The following MIPEP variants were observed in gnomAD, a reference collection of about 807,000 sequenced individuals.
MIPEP encodes the protein mitochondrial intermediate peptidase.
In MIPEP, 79 loss-of-function variants were observed where a neutral mutation model predicts 90.3. The observed-to-expected ratio is 0.87, with a 90% CI of 0.73 to 1.05. The LOEUF (loss-of-function observed/expected upper bound fraction) is 1.05. Among genes scored for constraint, MIPEP ranks in the 50% least tolerant of loss-of-function variants. The pLI is 0.00. For synonymous variants in MIPEP, 334 were observed against 315.8 expected, an observed-to-expected ratio of 1.06 and a Z score of -0.61; for missense variants, 940 against 905.6, an observed-to-expected ratio of 1.04 and a Z score of -0.49.
chr13:23,805,973 C>A lies in MIPEP; in HGVS notation c.1825G>T (p.Gly609Cys), dbSNP rs779028923. Residue 609 changes from glycine to cysteine, a missense_variant, in exon 16 of 19, where the codon GGC becomes TGC. Coordinates refer to ENST00000382172, the MANE Select transcript of MIPEP (RefSeq NM_005932.4). ...ILKETQEKFY[G>C]LPYVPNTAWQ... ...ACAGTATTTGGAACATATGGTAGGC[C>A]ATAGAATTTCTCTTGTGTTTCCTTG... 1.2e-6 allele frequency: 2 copies of A among 1,613,932 alleles called. No homozygotes were observed. The highest frequency in any genetic ancestry group is 3.3e-5 in the Admixed American group (2 of 60,014).
chr13:23,747,454 A>G, intron 18 of MIPEP: 2 of 452,764 alleles, frequency 4.4e-6, no homozygotes, highest in South Asian at 3.2e-5. Flanking sequence ...CTAGCTGCTT[A>G]ACAGTCAGTA....
chr13:23,854,333 T>C (rs1869955863), intron 10 of MIPEP, among the ~76,000 whole-genome samples: 1 of 151,728 alleles, frequency 6.6e-6, no homozygotes. Context: ...ATCCATTTCC[T>C]ATTTGTTTAT....
intron 16 of MIPEP, among the ~76,000 whole-genome samples, chr13:23,775,133 G>C (rs71425109): frequency 6.7e-6 from 1 of 150,356 alleles, no homozygotes; most frequent in East Asian, 2.0e-4. Context: ...GTGTGTGTGT[G>C]TGTGTGTGTG....
chr13:23,869,826 A>T (rs1870705462), intron 6 of MIPEP, among the ~76,000 whole-genome samples, 187 bp downstream of exon 6: 1 of 152,234 alleles, frequency 6.6e-6, no homozygotes, highest in Admixed American at 6.5e-5. Flanking sequence ...TATGAAATAT[A>T]AGTAATTAAA....
Position 23,873,621 on chromosome 13 carries a change from C to T in MIPEP, c.603+1225G>A, listed in dbSNP as rs112260471. On this transcript the variant is annotated intron_variant, in intron 5 of 18. Transcript: ENST00000382172. ...GAAGACAGAGGCCTTTAGAACAGCC[C>T]GGGTGTTTGGTGATAAGAATCAAGG... Among the ~76,000 whole-genome samples, 149 of 152,118 alleles carry T rather than the reference C, an allele frequency of 9.8e-4. 1 individual carries two copies. Among genetic ancestry groups the T allele is most frequent in the African/African-American group, 3.3e-3 (138 of 41,474 alleles).
intron 5 of MIPEP, 131 bp downstream of exon 5, chr13:23,874,715 T>A (rs1254893632): frequency 1.3e-5 from 9 of 699,462 alleles, no homozygotes; most frequent in Non-Finnish European, 2.1e-5. Flanking sequence ...AAGAATTTCA[T>A]AACAGATAAA....
At chr13:23,845,704 A>C (rs2137471378) in intron 10 of MIPEP, among the ~76,000 whole-genome samples, 1 of 152,358 alleles carries the variant, frequency 6.6e-6, no homozygotes, top group East Asian at 1.9e-4. Context: ...CCTCTAAAAA[A>C]AGCTGTTTCT....
chr13:23,778,144 G>A (rs534541192), intron 16 of MIPEP, among the ~76,000 whole-genome samples: 1 of 152,194 alleles, frequency 6.6e-6, no homozygotes, highest in African/African-American at 2.4e-5. Flanking sequence ...GAGTGTCTGA[G>A]TTTTTCTAAA....
intron 5 of MIPEP, among the ~76,000 whole-genome samples, chr13:23,872,124 C>T (rs2137521337): frequency 6.6e-6 from 1 of 152,234 alleles, no homozygotes; most frequent in East Asian, 1.9e-4. Flanking sequence ...TAAAAATAAA[C>T]ATTTCTATTA....
At chr13:23,843,225 A>C (rs1869382620) in intron 10 of MIPEP, among the ~76,000 whole-genome samples, 1 of 152,180 alleles carries the variant, frequency 6.6e-6, no homozygotes, top group African/African-American at 2.4e-5. Context: ...GATGGCATAA[A>C]ATAGCCTGGT....
intron 15 of MIPEP, among the ~76,000 whole-genome samples, chr13:23,808,974 AAAGATGGGTGTTT>A (rs1953142351): frequency 6.6e-6 from 1 of 152,228 alleles, no homozygotes; most frequent in Admixed American, 6.5e-5. Flanking sequence ...GCCTAAGATG[AAAGATGGGTGTTT>A]AAGGTGTTTA....
chr13:23,836,278 C>T lies in MIPEP; in HGVS notation c.1615G>A (p.Val539Ile). Residue 539 changes from valine to isoleucine, a missense_variant, in exon 14 of 19, where the codon GTA becomes ATA. Coordinates refer to ENST00000382172, the MANE Select transcript of MIPEP (RefSeq NM_005932.4). ...LMEYFANDYR[V>I]VNQFARHYQT... is the part of the protein sequence containing the mutation. ...TAATGTCTGGCAAATTGGTTAACTA[C>T]TCGATAATCATTTGCAAAGTACTCC... The T allele has an allele frequency of 1.2e-6, 2 of 1,606,282 alleles. No homozygotes were observed. The highest frequency in any genetic ancestry group is 1.7e-6 in the Non-Finnish European group (2 of 1,176,812).
intron 16 of MIPEP, among the ~76,000 whole-genome samples, chr13:23,764,860 T>C (rs1281878288): frequency 6.6e-6 from 1 of 152,250 alleles, no homozygotes; most frequent in African/African-American, 2.4e-5. Flanking sequence ...CTCAGCCAAC[T>C]ATACTCTTAA....
intron 18 of MIPEP, among the ~76,000 whole-genome samples, chr13:23,736,082 T>G (rs1952260779): frequency 2.0e-5 from 3 of 152,170 alleles, no homozygotes; most frequent in African/African-American, 7.2e-5. Context: ...CGATTAAAAT[T>G]GTATTTTCCA....
At chr13:23,887,314 A>G (rs1871538939) in intron 1 of MIPEP, among the ~76,000 whole-genome samples, 1 of 152,204 alleles carries the variant, frequency 6.6e-6, no homozygotes. Flanking sequence ...AAAGCATTTA[A>G]TATGCACCTA....
At chr13:23,811,616 C>T (rs1326650649) in intron 14 of MIPEP, among the ~76,000 whole-genome samples, 1 of 152,180 alleles carries the variant, frequency 6.6e-6, no homozygotes, top group African/African-American at 2.4e-5. Context: ...AGTCACATAG[C>T]CAGAGGCTAT....
chr13:23,836,690 G>A (rs983176466), intron 13 of MIPEP, among the ~76,000 whole-genome samples: 1 of 152,182 alleles, frequency 6.6e-6, no homozygotes, highest in Admixed American at 6.5e-5. Context: ...TATAGCGTTT[G>A]TATTTAATTC....
At chr13:23,888,033 G>A in intron 1 of MIPEP, 1 of 404,854 alleles carries the variant, frequency 2.5e-6, no homozygotes, top group Non-Finnish European at 4.8e-6. Context: ...ACTGAATAAG[G>A]CTTTTTTTTT....
intron 18 of MIPEP, among the ~76,000 whole-genome samples, chr13:23,754,418 T>G (rs941010719): frequency 2.6e-5 from 4 of 152,224 alleles, no homozygotes; most frequent in Non-Finnish European, 5.9e-5. Context: ...AATGTAAAAG[T>G]AGAATTGTTC....
Sources: allele counts gnomAD v4.1 joint callset (sites outside exome capture counted in the v4.1 genomes callset), GRCh38; gene constraint gnomAD v4.1.1; transcripts MANE v1.5; gene names NCBI Gene and HGNC (gene_info 2026-07-23, HGNC 2026-07-21).